TTC17: variants seen among roughly 807,000 people sequenced by gnomAD.
TTC17 encodes the protein tetratricopeptide repeat domain 17.
In TTC17, 58 loss-of-function variants were observed where a neutral mutation model predicts 143.8. The observed-to-expected ratio is 0.40, with a 90% CI of 0.33 to 0.50. The LOEUF (loss-of-function observed/expected upper bound fraction) is 0.50, where lower values mean the gene tolerates loss of function less well. Ranked by LOEUF, TTC17 falls within the 20% of genes least tolerant of loss-of-function variation. The pLI, the probability that TTC17 is intolerant of heterozygous loss-of-function variation, is 0.49. For missense variants in TTC17, 1,273 were observed against 1,392.5 expected (o/e 0.91, Z 1.37); for synonymous variants, 501 against 497.8 (o/e 1.01, Z -0.09).
intron 1 of TTC17, among the ~76,000 whole-genome samples, chr11:43,377,079 G>A (rs1438047947): frequency 5.3e-5 from 8 of 152,188 alleles, no homozygotes; most frequent in Non-Finnish European, 7.4e-5. Flanking sequence ...GAATCACGAG[G>A]TCAGGAGTTC....
intron 16 of TTC17, among the ~76,000 whole-genome samples, chr11:43,430,929 C>G (rs1947144021): frequency 1.3e-5 from 2 of 152,116 alleles, no homozygotes; most frequent in African/African-American, 4.8e-5. Context: ...AATGCTGTCT[C>G]TCCCCTAGCC....
intron 21 of TTC17, among the ~76,000 whole-genome samples, chr11:43,483,452 A>G (rs1303595074): frequency 2.6e-5 from 4 of 152,144 alleles, no homozygotes; most frequent in African/African-American, 7.2e-5. Context: ...GAACTTAGGT[A>G]TCAAAATCAA....
At chr11:43,450,789 G>GT (rs1174729101) in intron 20 of TTC17, among the ~76,000 whole-genome samples, 1 of 152,056 alleles carries the variant, frequency 6.6e-6, no homozygotes, top group African/African-American at 2.4e-5. Flanking sequence ...AGTATACAGT[G>GT]TAATTCAATA....
chr11:43,488,528 A>G (rs183766642), intron 21 of TTC17, among the ~76,000 whole-genome samples: 1 of 151,500 alleles, frequency 6.6e-6, no homozygotes, highest in African/African-American at 2.4e-5. Flanking sequence ...GTGGGGAGAG[A>G]GGTGAATTAT....
At chr11:43,478,020 T>G (rs1752656176) in intron 21 of TTC17, among the ~76,000 whole-genome samples, 2 of 152,272 alleles carry the variant, frequency 1.3e-5, no homozygotes, top group South Asian at 2.1e-4. Context: ...TAAAGTAGTT[T>G]TGTCCCACTC....
chr11:43,407,050 T>C, intron 13 of TTC17, 88 bp from the exon 14 acceptor site: 1 of 850,218 alleles, frequency 1.2e-6, no homozygotes. Context: ...CCTGAGGAGC[T>C]TAAGAAAAGA....
chr11:43,461,228 C>T (rs1302669348), intron 21 of TTC17, among the ~76,000 whole-genome samples: 1 of 151,764 alleles, frequency 6.6e-6, no homozygotes, highest in Admixed American at 6.6e-5. Context: ...ACTAAAAATA[C>T]AAAAAATTAG....
In TTC17 at chr11:43,492,010, C is replaced by G. The variant is rs1396948961; in HGVS notation, c.3151-10C>G. On this transcript the variant is annotated splice_polypyrimidine_tract_variant and intron_variant, in intron 22 of 23. Coordinates refer to ENST00000039989, the MANE Select transcript of TTC17 (RefSeq NM_018259.6). ...ATTTTCCCTTCTCACCATTCTCCTT[C>G]TTCTCCCAGGATGTGCCCCTGATTA... 1.9e-6 allele frequency: 3 copies of G among 1,612,128 alleles called. No homozygotes were observed. The Admixed American group carries it at 5.0e-5, about 27-fold the overall frequency.
At chr11:43,492,478 GAC>G (rs1405710225) in intron 23 of TTC17, among the ~76,000 whole-genome samples, 1 of 152,210 alleles carries the variant, frequency 6.6e-6, no homozygotes, top group African/African-American at 2.4e-5. Context: ...ACTCCATGTA[GAC>G]ACACATACAT....
chr11:43,388,542 TA>T (rs1033677041), intron 2 of TTC17, among the ~76,000 whole-genome samples: 5 of 149,052 alleles, frequency 3.4e-5, no homozygotes, highest in South Asian at 2.1e-4. Flanking sequence ...TTTTTTCTTT[TA>T]AAAAAAAAAT....
chr11:43,448,395 C>T (rs1565172275), intron 19 of TTC17, among the ~76,000 whole-genome samples: 1 of 152,134 alleles, frequency 6.6e-6, no homozygotes, highest in African/African-American at 2.4e-5. Context: ...AGACTGGATC[C>T]TCTCTATAGA....
chr11:43,452,794 A>G (rs1947688432), intron 21 of TTC17, among the ~76,000 whole-genome samples: 1 of 151,590 alleles, frequency 6.6e-6, no homozygotes, highest in Non-Finnish European at 1.5e-5. Context: ...ATGCTCACAC[A>G]CACCTGTAGT....
At chr11:43,378,966 C>CTT (rs1331057521) in intron 1 of TTC17, 1 of 355,750 alleles carries the variant, frequency 2.8e-6, no homozygotes, top group Non-Finnish European at 5.1e-6. Context: ...CCAAATACTT[C>CTT]TTTACTATTA....
intron 1 of TTC17, among the ~76,000 whole-genome samples, chr11:43,367,048 C>T (rs1672034592): frequency 6.6e-6 from 1 of 152,212 alleles, no homozygotes; most frequent in Non-Finnish European, 1.5e-5. Context: ...ATCTACCATA[C>T]TGTGTTGGGC....
intron 11 of TTC17, among the ~76,000 whole-genome samples, chr11:43,404,451 T>C (rs1048600852): frequency 9.2e-5 from 14 of 152,202 alleles, no homozygotes; most frequent in Non-Finnish European, 2.1e-4. Flanking sequence ...GCGTATGTTT[T>C]TATATACTTC....
chr11:43,374,543 C>A (rs1200093443), intron 1 of TTC17, among the ~76,000 whole-genome samples: 1 of 151,016 alleles, frequency 6.6e-6, no homozygotes, highest in South Asian at 2.2e-4. Context: ...TATCCAGAAT[C>A]TATAAGGAAC....
At chr11:43,445,940 A>C in intron 18 of TTC17, 1 of 1,355,604 alleles carries the variant, frequency 7.4e-7, no homozygotes, top group African/African-American at 1.4e-5. Flanking sequence ...GGGCTACTAG[A>C]CTGGAAGACC....
chr11:43,401,980 A>AAAAT (rs35991566), intron 10 of TTC17, among the ~76,000 whole-genome samples: 8,230 of 140,350 alleles, frequency 0.059, 307 homozygotes, highest in Non-Finnish European at 0.072. Context: ...TGTGTCTCAA[A>AAAAT]AAATAAATAA....
rs1590353874 is a variant in TTC17, at chr11:43,397,870, G to A, written c.919-104G>A. 21 of 1,471,696 alleles carry A rather than the reference G, an allele frequency of 1.4e-5. No homozygotes were observed. The East Asian group carries it at 5.0e-4, about 35-fold the overall frequency. The allele number at this position is 1,471,696 out of a possible 1,614,324, so 91.2% of individuals were successfully genotyped here. A position where few individuals can be genotyped will look rare whatever the true frequency, so the allele number is the denominator to read the frequency against. On this transcript the variant is annotated intron_variant, in intron 7 of 23. Transcript: ENST00000039989. ...AAATCATTAGAGGATTTGGACAGAT[G>A]CAACCAGGCCGTGGCTAACATTTTT...
Sources: allele counts gnomAD v4.1 joint callset (sites outside exome capture counted in the v4.1 genomes callset), GRCh38; gene constraint gnomAD v4.1.1; transcripts MANE v1.5; gene names NCBI Gene and HGNC (gene_info 2026-07-23, HGNC 2026-07-21).